IMMP2L: variants seen among roughly 807,000 people sequenced by gnomAD.
The protein encoded by IMMP2L is mitochondrial inner membrane protease subunit 2.
In IMMP2L, 18 loss-of-function variants were observed where a neutral mutation model predicts 19.3. The observed-to-expected ratio is 0.93, with a 90% CI of 0.64 to 1.38. IMMP2L has a LOEUF of 1.38. Among genes scored for constraint, IMMP2L ranks in the 40% most tolerant of loss-of-function variants. The pLI is 0.00. For missense variants in IMMP2L, 233 were observed against 218.2 expected, an observed-to-expected ratio of 1.07 and a Z score of -0.43; for synonymous variants, 76 against 73.0, an observed-to-expected ratio of 1.04 and a Z score of -0.21.
chr7:110,736,901 A>G (rs775375729), intron 5 of IMMP2L, among the ~76,000 whole-genome samples: 2 of 152,196 alleles, frequency 1.3e-5, no homozygotes, highest in Non-Finnish European at 2.9e-5. Context: ...GTGCTGAAAT[A>G]AGTCAAAAAT....
rs1204773622 is a variant in IMMP2L at position 111,214,322 on chromosome 7, A to ATTT, written c.240-250760_240-250758dup. On this transcript the variant is annotated intron_variant, in intron 3 of 5. Transcript: ENST00000405709. ...AATCCAGTGAATGAATGACAAAGTA[A>ATTT]TTTTTCTTCTTTTTTTTTTTTTTTT... Among the ~76,000 whole-genome samples, 8 of 77,702 alleles carry ATTT rather than the reference A, an allele frequency of 1.0e-4. 1 individual carries two copies. Among genetic ancestry groups the ATTT allele is most frequent in the Non-Finnish European group, 1.8e-4 (6 of 33,658 alleles). 51.0% of individuals were successfully genotyped at this position (77,702 alleles called of 152,430 possible).
intron 3 of IMMP2L, among the ~76,000 whole-genome samples, chr7:111,306,691 A>G (rs1822915922): frequency 6.8e-6 from 1 of 147,832 alleles, no homozygotes; most frequent in Non-Finnish European, 1.5e-5. Flanking sequence ...ACTGACTGGG[A>G]AGCTGTAATG....
At chr7:110,861,917 G>T (rs535933630) in intron 5 of IMMP2L, among the ~76,000 whole-genome samples, 58 of 152,060 alleles carry the variant, frequency 3.8e-4, no homozygotes, top group African/African-American at 1.1e-3. Flanking sequence ...GAAAATATGG[G>T]AAAACATATT....
intron 3 of IMMP2L, among the ~76,000 whole-genome samples, chr7:111,206,845 C>T (rs1478268482): frequency 6.6e-6 from 1 of 152,018 alleles, no homozygotes; most frequent in African/African-American, 2.4e-5. Context: ...AAACTAATAA[C>T]AAACAATAAG....
intron 3 of IMMP2L, among the ~76,000 whole-genome samples, chr7:111,275,974 T>A (rs1452172174): frequency 3.3e-5 from 5 of 152,148 alleles, no homozygotes; most frequent in Non-Finnish European, 5.9e-5. Flanking sequence ...TATAAGATCA[T>A]ATCATCAGCA....
intron 3 of IMMP2L, among the ~76,000 whole-genome samples, chr7:111,098,038 G>T (rs1797589228): frequency 6.6e-6 from 1 of 151,750 alleles, no homozygotes; most frequent in Admixed American, 6.6e-5. Flanking sequence ...AGAATGGAAA[G>T]AGCAAAACAA....
At chr7:110,825,210 T>G (rs534593148) in intron 5 of IMMP2L, among the ~76,000 whole-genome samples, 2 of 152,152 alleles carry the variant, frequency 1.3e-5, no homozygotes, top group South Asian at 2.1e-4. Context: ...TGGAAGAACA[T>G]TCCACGCTCA....
intron 3 of IMMP2L, among the ~76,000 whole-genome samples, chr7:111,364,592 G>A (rs1238788173): frequency 2.7e-5 from 4 of 147,180 alleles, no homozygotes; most frequent in African/African-American, 5.0e-5. Flanking sequence ...TCAAGATTGC[G>A]CCACTGCACT....
chr7:111,054,516 A>G (rs1793314113), intron 3 of IMMP2L, among the ~76,000 whole-genome samples: 1 of 152,204 alleles, frequency 6.6e-6, no homozygotes, highest in Non-Finnish European at 1.5e-5. Context: ...CCAATGAGCT[A>G]TGTCCCAGGA....
intron 3 of IMMP2L, among the ~76,000 whole-genome samples, chr7:111,284,563 G>C (rs1330040427): frequency 6.6e-6 from 1 of 152,176 alleles, no homozygotes; most frequent in Non-Finnish European, 1.5e-5. Flanking sequence ...CCGTAGTGCT[G>C]ACAATGACTT....
At chr7:111,039,028 CA>C (rs1791622976) in intron 3 of IMMP2L, among the ~76,000 whole-genome samples, 1 of 151,880 alleles carries the variant, frequency 6.6e-6, no homozygotes, top group South Asian at 2.1e-4. Flanking sequence ...CTTTGGGGAA[CA>C]GGGGTCATTT....
At chr7:110,668,997 T>C (rs1252323649) in intron 5 of IMMP2L, among the ~76,000 whole-genome samples, 1 of 148,640 alleles carries the variant, frequency 6.7e-6, no homozygotes, top group Non-Finnish European at 1.5e-5. Flanking sequence ...CTGTATTAGT[T>C]AGGTTCTCCA....
intron 5 of IMMP2L, among the ~76,000 whole-genome samples, chr7:110,851,747 A>G (rs944435641): frequency 6.6e-6 from 1 of 152,152 alleles, no homozygotes; most frequent in African/African-American, 2.4e-5. Context: ...TTCTTAGCTA[A>G]AAGAAATGCA....
intron 3 of IMMP2L, among the ~76,000 whole-genome samples, chr7:111,029,176 C>T (rs1286596891): frequency 6.6e-6 from 1 of 152,084 alleles, no homozygotes; most frequent in Non-Finnish European, 1.5e-5. Context: ...GGACATTGAT[C>T]CAATTTCCAT....
intron 5 of IMMP2L, among the ~76,000 whole-genome samples, chr7:110,747,113 C>T (rs184130695): frequency 1.6e-4 from 25 of 152,244 alleles, no homozygotes; most frequent in Admixed American, 1.1e-3. Context: ...TCAGAGAATA[C>T]TATAAACACC....
intron 3 of IMMP2L, among the ~76,000 whole-genome samples, chr7:111,486,964 C>T (rs954744275): frequency 2.0e-5 from 3 of 152,006 alleles, no homozygotes; most frequent in African/African-American, 7.2e-5. Context: ...CAAAGTAGTA[C>T]CAAATGCATG....
At chr7:111,138,223 T>C (rs214853) in intron 3 of IMMP2L, among the ~76,000 whole-genome samples, 8,578 of 152,268 alleles carry the variant, frequency 0.056, 469 homozygotes, top group African/African-American at 0.14. Flanking sequence ...AATAATGTCA[T>C]ATTGCCTAGA....
At chr7:111,509,763 AG>A (rs1218020183) in intron 2 of IMMP2L, among the ~76,000 whole-genome samples, 5 of 152,200 alleles carry the variant, frequency 3.3e-5, no homozygotes, top group Non-Finnish European at 7.3e-5. Context: ...TTTGTCAAGA[AG>A]CTAAAAACTT....
intron 3 of IMMP2L, among the ~76,000 whole-genome samples, chr7:111,261,635 G>C (rs1256397892): frequency 6.6e-6 from 1 of 151,962 alleles, no homozygotes; most frequent in Non-Finnish European, 1.5e-5. Flanking sequence ...AGAGGTACTG[G>C]TTTCTACAGG....
Sources: allele counts gnomAD v4.1 joint callset (sites outside exome capture counted in the v4.1 genomes callset), GRCh38; gene constraint gnomAD v4.1.1; transcripts MANE v1.5; gene names NCBI Gene and HGNC (gene_info 2026-07-23, HGNC 2026-07-21).